The following NEK11 variants were observed in gnomAD, a reference collection of about 807,000 sequenced individuals.
NEK11 encodes the protein NIMA related kinase 11.
NEK11 carries 72 observed loss-of-function variants against 80.7 expected under a neutral mutation model. The observed-to-expected ratio is 0.89, with a 90% CI of 0.74 to 1.08. The LOEUF (loss-of-function observed/expected upper bound fraction) is 1.08, where lower values mean the gene tolerates loss of function less well. NEK11 is among the 50% of genes least tolerant of loss of function. The pLI, the probability that NEK11 is intolerant of heterozygous loss-of-function variation, is 0.00. For missense variants in NEK11, 764 were observed against 763.6 expected, an observed-to-expected ratio of 1.00 and a Z score of -0.01; for synonymous variants, 251 against 260.7, an observed-to-expected ratio of 0.96 and a Z score of 0.36.
chr3:131,310,107 G>A (rs1156565668), intron 17 of NEK11, among the ~76,000 whole-genome samples: 1 of 146,872 alleles, frequency 6.8e-6, no homozygotes, highest in East Asian at 2.1e-4. Flanking sequence ...GGATTCATTG[G>A]TTCACTGCCG....
At chr3:131,177,873 G>C (rs975716928) in intron 14 of NEK11, among the ~76,000 whole-genome samples, 1 of 152,192 alleles carries the variant, frequency 6.6e-6, no homozygotes, top group Non-Finnish European at 1.5e-5. Flanking sequence ...ACAGGAATAT[G>C]TTCTGAGAAA....
chr3:131,148,999 C>G (rs1352603244), intron 7 of NEK11, among the ~76,000 whole-genome samples: 1 of 151,842 alleles, frequency 6.6e-6, no homozygotes, highest in Non-Finnish European at 1.5e-5. Context: ...GGGAACATTC[C>G]AAGTCTTCTA....
chr3:131,302,918 CTCTG>C (rs949515648), intron 17 of NEK11, among the ~76,000 whole-genome samples: 2 of 152,146 alleles, frequency 1.3e-5, no homozygotes, highest in African/African-American at 4.8e-5. Flanking sequence ...TGCCTCGGTG[CTCTG>C]TCTGATACTG....
At chr3:131,311,013 C>T (rs1444968494) in intron 17 of NEK11, among the ~76,000 whole-genome samples, 1 of 152,158 alleles carries the variant, frequency 6.6e-6, no homozygotes, top group African/African-American at 2.4e-5. Flanking sequence ...CATAACTCCC[C>T]TGTGGATTAG....
chr3:131,106,261 A>C (rs1330866888), intron 4 of NEK11, among the ~76,000 whole-genome samples: 2 of 149,300 alleles, frequency 1.3e-5, no homozygotes, highest in African/African-American at 4.9e-5. Context: ...AGAGGAAACA[A>C]ATTTTTATTT....
intron 17 of NEK11, among the ~76,000 whole-genome samples, chr3:131,311,450 G>A (rs747987977): frequency 6.6e-6 from 1 of 152,122 alleles, no homozygotes; most frequent in Non-Finnish European, 1.5e-5. Context: ...AATCACTTCT[G>A]TGACTTACTA....
At chr3:131,213,644 A>T (rs2094710909) in intron 14 of NEK11, among the ~76,000 whole-genome samples, 1 of 152,136 alleles carries the variant, frequency 6.6e-6, no homozygotes, top group African/African-American at 2.4e-5. Context: ...AACAGAAATC[A>T]GTGGTCTATT....
intron 3 of NEK11, among the ~76,000 whole-genome samples, chr3:131,050,426 G>A (rs576351299): frequency 3.3e-5 from 5 of 152,212 alleles, no homozygotes; most frequent in African/African-American, 1.2e-4. Context: ...CATGCTGTTT[G>A]TCTTTTTAAT....
chr3:131,133,899 A>G lies in NEK11; in HGVS notation c.590A>G (p.His197Arg). 4 of 1,612,958 alleles carry G rather than the reference A, an allele frequency of 2.5e-6. No individual in the cohort carries two copies. Among genetic ancestry groups the G allele is most frequent in the Non-Finnish European group, 3.4e-6 (4 of 1,179,264 alleles). Residue 197 changes from histidine (H) to arginine (R), a missense_variant, in exon 7 of 18, where the codon CAT (histidine) becomes CGT (arginine). His to Arg is a conservative substitution (Grantham distance 29). Transcript: ENST00000383366. ...GCCACAACTTTAACTGGAACTCCCC[A>G]TTATATGAGTCCTGAGGCTCTGAAA... is the stretch of plus-strand genomic sequence containing the variant. Reference protein sequence around the residue: ...DLATTLTGTPHYMSPEALKHQ... With the variant: ...DLATTLTGTPRYMSPEALKHQ...
At chr3:131,292,323 C>T (rs1313210639) in intron 17 of NEK11, among the ~76,000 whole-genome samples, 6 of 152,080 alleles carry the variant, frequency 3.9e-5, no homozygotes, top group Admixed American at 1.3e-4. Flanking sequence ...ATCACTGTAC[C>T]TTTATGGTAA....
At chr3:131,297,111 A>G (rs2096602623) in intron 17 of NEK11, among the ~76,000 whole-genome samples, 1 of 152,182 alleles carries the variant, frequency 6.6e-6, no homozygotes, top group African/African-American at 2.4e-5. Flanking sequence ...GAATAGTGCC[A>G]CAATAAACAT....
At chr3:131,053,263 G>A (rs989929062) in intron 3 of NEK11, 1 of 152,164 alleles carries the variant, frequency 6.6e-6, no homozygotes, top group Admixed American at 6.5e-5. Flanking sequence ...CATTTCCAAT[G>A]GCAGCATTAA....
At chr3:131,272,463 C>CTTCTTTTTTTTTTTTTTTTTTT (rs2096210843) in intron 16 of NEK11, among the ~76,000 whole-genome samples, 4 of 43,884 alleles carry the variant, frequency 9.1e-5, no homozygotes, top group African/African-American at 2.7e-4. Context: ...GTTTTAGCTT[C>CTTCTTTTTTTTTTTTTTTTTTT]TTTTTTTTTT....
At chr3:131,273,667 A>C in intron 17 of NEK11, 93 bp downstream of exon 17, 3 of 911,000 alleles carry the variant, frequency 3.3e-6, no homozygotes, top group South Asian at 1.5e-5. Context: ...GTCTTAGTCC[A>C]TTTGTGCTGC....
At chr3:131,153,551 C>T (rs2090080582) in intron 9 of NEK11, among the ~76,000 whole-genome samples, 1 of 151,968 alleles carries the variant, frequency 6.6e-6, no homozygotes, top group African/African-American at 2.4e-5. Context: ...GTCCCTGAAG[C>T]AAGTTTCCTC....
chr3:131,256,798 G>A (rs891411852), intron 16 of NEK11, among the ~76,000 whole-genome samples: 2 of 152,068 alleles, frequency 1.3e-5, no homozygotes, highest in African/African-American at 4.8e-5. Context: ...GACTCACACA[G>A]CTGGCCTCAG....
intron 15 of NEK11, among the ~76,000 whole-genome samples, chr3:131,237,184 T>A (rs577122235): frequency 6.6e-6 from 1 of 151,974 alleles, no homozygotes; most frequent in African/African-American, 2.4e-5. Context: ...TACAAAAAAA[T>A]TTTAAAATAG....
chr3:131,192,774 GTC>G (rs1224032240), intron 14 of NEK11, among the ~76,000 whole-genome samples: 3 of 152,160 alleles, frequency 2.0e-5, no homozygotes, highest in Non-Finnish European at 4.4e-5. Flanking sequence ...GGTTGTCAGG[GTC>G]TTGGGGGAAG....
At chr3:131,117,226 A>G (rs1358892268) in intron 5 of NEK11, among the ~76,000 whole-genome samples, 2 of 152,224 alleles carry the variant, frequency 1.3e-5, no homozygotes, top group Non-Finnish European at 2.9e-5. Context: ...CATTTATTAA[A>G]GAGGGAATCC....
Sources: gnomAD v4.1 joint callset for allele counts (sites outside exome capture counted in the v4.1 genomes callset) on GRCh38, gnomAD v4.1.1 for gene constraint, MANE v1.5 for transcripts, NCBI Gene and HGNC (gene_info 2026-07-23, HGNC 2026-07-21) for gene names.